GRIK2: variants seen among roughly 807,000 people sequenced by gnomAD.
The protein encoded by GRIK2 is glutamate ionotropic receptor kainate type subunit 2, also known as glutamate receptor ionotropic, kainate 2.
Under a neutral mutation model 100.3 loss-of-function variants are expected in GRIK2, and 32 were observed. The observed-to-expected ratio is 0.32, with a 90% confidence interval of 0.24 to 0.43. The LOEUF is 0.43. Ranked by LOEUF, GRIK2 falls within the 20% of genes least tolerant of loss-of-function variation. The pLI, the probability that GRIK2 is intolerant of heterozygous loss-of-function variation, is 1.00. For missense variants in GRIK2, 843 were observed against 1,114.9 expected, an observed-to-expected ratio of 0.76 and a Z score of 3.47; for synonymous variants, 417 against 389.4, an observed-to-expected ratio of 1.07 and a Z score of -0.83.
At position 101,797,042 on chromosome 6, in the gene GRIK2, A is replaced by G. The variant is rs141543551; in HGVS notation, c.952-2606A>G. On this transcript the variant is annotated intron_variant, in intron 7 of 16. Coordinates refer to ENST00000369134, the MANE Select transcript of GRIK2 (RefSeq NM_021956.5). ...TATTAAATAAGGTTACTACTCTAGG[A>G]TTTTTATGTATGTCCTGTTAGATTA... Among the ~76,000 whole-genome samples, 1,172 of 152,178 alleles carry G rather than the reference A, an allele frequency of 7.7e-3. 7 individuals are homozygous for G. Among genetic ancestry groups the G allele is most frequent in the Non-Finnish European group, 9.8e-3 (665 of 67,994 alleles).
intron 2 of GRIK2, among the ~76,000 whole-genome samples, chr6:101,504,266 A>T (rs1303791426): frequency 6.6e-6 from 1 of 152,134 alleles, no homozygotes; most frequent in African/African-American, 2.4e-5. Flanking sequence ...AGTCTGGCAT[A>T]AATTATTACA....
At chr6:101,859,780 G>T (rs1784634703) in intron 11 of GRIK2, among the ~76,000 whole-genome samples, 1 of 152,142 alleles carries the variant, frequency 6.6e-6, no homozygotes, top group Non-Finnish European at 1.5e-5. Flanking sequence ...AGGTCCTTGA[G>T]AAAGGCTTTC....
intron 2 of GRIK2, among the ~76,000 whole-genome samples, chr6:101,607,158 C>T (rs1344475413): frequency 6.6e-6 from 1 of 151,936 alleles, no homozygotes; most frequent in African/African-American, 2.4e-5. Flanking sequence ...GGGAGAAATC[C>T]ATTCTTGAAA....
At chr6:102,014,419 G>C (rs1795720105) in intron 14 of GRIK2, among the ~76,000 whole-genome samples, 1 of 151,750 alleles carries the variant, frequency 6.6e-6, no homozygotes, top group Admixed American at 6.6e-5. Context: ...CTTTTGAATA[G>C]GTTTTCATAT....
chr6:101,620,236 C>A, intron 2 of GRIK2: 1 of 884,930 alleles, frequency 1.1e-6, no homozygotes, highest in Non-Finnish European at 1.4e-6. Flanking sequence ...TACCACTGTT[C>A]TTCTCCACAT....
rs935662918 is a variant in GRIK2, at chr6:101,513,478, A to G, written c.116-108471A>G. The stretch of plus-strand genomic sequence containing the variant: ...AAGAAAAAGATCTAGCTATGTTAAT[A>G]CAGATTCTTCATAGATGCAAATTTT... On this transcript the variant is annotated intron_variant, in intron 2 of 16. Coordinates refer to ENST00000369134, the MANE Select transcript of GRIK2 (RefSeq NM_021956.5). Among the ~76,000 whole-genome samples the G allele has an allele frequency of 7.2e-5, 11 of 152,304 alleles. No individual in the cohort carries two copies. The East Asian group carries it at 2.1e-3, about 29-fold the overall frequency.
intron 4 of GRIK2, among the ~76,000 whole-genome samples, 177 bp from the exon 5 acceptor site, chr6:101,676,446 C>T (rs1231349253): frequency 5.3e-5 from 8 of 151,996 alleles, no homozygotes; most frequent in Non-Finnish European, 1.0e-4. Flanking sequence ...GAAAATTATG[C>T]GTTCTTGGCC....
intron 7 of GRIK2, among the ~76,000 whole-genome samples, chr6:101,795,514 C>T (rs1441073466): frequency 1.3e-5 from 2 of 152,174 alleles, no homozygotes; most frequent in African/African-American, 4.8e-5. Flanking sequence ...GTTGGGCCTC[C>T]AGGAAGCTTG....
intron 14 of GRIK2, among the ~76,000 whole-genome samples, chr6:102,031,894 GAA>G (rs144824050): frequency 0.034 from 5,071 of 151,370 alleles, 153 homozygotes; most frequent in African/African-American, 0.07. Flanking sequence ...GTTGCACTGG[GAA>G]AAGTTAAACC....
At position 101,677,322 on chromosome 6, in the gene GRIK2, A is replaced by C. The variant is rs550873602; in HGVS notation, c.723+518A>C. Among the ~76,000 whole-genome samples, 24 of 152,266 alleles carry C rather than the reference A, an allele frequency of 1.6e-4. 1 individual carries two copies. The highest frequency in any genetic ancestry group is 1.6e-3 in the Admixed American group (24 of 15,290). On this transcript the variant is annotated intron_variant, in intron 5 of 16. Coordinates refer to ENST00000369134, the MANE Select transcript of GRIK2 (RefSeq NM_021956.5). ...ATGAACAAGTAACTTGACCAATGTC[A>C]AGTAGCAAGAACATAGCAGAGGGAT... is the stretch of plus-strand genomic sequence containing the variant.
chr6:101,693,479 G>A (rs1045606595), intron 7 of GRIK2, among the ~76,000 whole-genome samples: 1 of 151,728 alleles, frequency 6.6e-6, no homozygotes, highest in Non-Finnish European at 1.5e-5. Context: ...TTCATTGTCT[G>A]GGACCTCTGA....
chr6:101,395,802 A>C (rs1276863209), intron 1 of GRIK2, among the ~76,000 whole-genome samples: 1 of 152,062 alleles, frequency 6.6e-6, no homozygotes, highest in African/African-American at 2.4e-5. Flanking sequence ...TATACTTCTA[A>C]ATACAGCTTC....
Position 102,035,358 on chromosome 6 carries a change from G to T in GRIK2, c.2103G>T (p.Thr701=), listed in dbSNP as rs556175755. The T allele has an allele frequency of 3.1e-6, 5 of 1,598,328 alleles. No individual in the cohort carries two copies. The highest frequency in any genetic ancestry group is 3.4e-5 in the Admixed American group (2 of 59,200). ...TTCTTCAGAAATCAAAAATCTCCAC[G>T]TATGACAAAATGTGGGCCTTTATGA... is the stretch of plus-strand genomic sequence containing the variant. ...MTFFKKSKIS[T]YDKMWAFMSS... Residue 701 remains threonine (T), a synonymous_variant, in exon 15 of 17, where the codon ACG becomes ACT. Transcript: ENST00000369134.
chr6:101,615,617 C>G (rs1037096784), intron 2 of GRIK2, among the ~76,000 whole-genome samples: 3 of 151,730 alleles, frequency 2.0e-5, no homozygotes, highest in African/African-American at 7.2e-5. Context: ...TCATGGATCA[C>G]ATGCTTATGA....
intron 2 of GRIK2, among the ~76,000 whole-genome samples, chr6:101,424,397 C>T: frequency 6.6e-6 from 1 of 150,944 alleles, no homozygotes; most frequent in Non-Finnish European, 1.5e-5. Flanking sequence ...TCAATTCCCA[C>T]CTATGAGTGA....
chr6:101,581,184 A>T (rs961751021), intron 2 of GRIK2, among the ~76,000 whole-genome samples: 8 of 150,600 alleles, frequency 5.3e-5, no homozygotes, highest in African/African-American at 2.0e-4. Flanking sequence ...ATATATATAC[A>T]CACACACACA....
rs187996722 is a variant in GRIK2, at chr6:101,587,007, T to C, written c.116-34942T>C. On this transcript the variant is annotated intron_variant, in intron 2 of 16. Transcript: ENST00000369134. Reference sequence around the variant, plus strand: ...AAGAACATGAAATATGGATTTAAACTCAATGGCAGCAAGAATCTTTTTGTC... The same window carrying C: ...AAGAACATGAAATATGGATTTAAACCCAATGGCAGCAAGAATCTTTTTGTC... Among the ~76,000 whole-genome samples the C allele has an allele frequency of 9.7e-3, 1,473 of 151,480 alleles. 49 individuals carry two copies. The highest frequency in any genetic ancestry group is 0.062 in the Admixed American group (947 of 15,186).
chr6:101,649,595 C>T (rs1300619812), intron 4 of GRIK2, among the ~76,000 whole-genome samples: 2 of 152,232 alleles, frequency 1.3e-5, no homozygotes, highest in African/African-American at 4.8e-5. Context: ...ATTTAATTTC[C>T]TACCTGTATT....
Position 101,659,568 on chromosome 6 carries a change from A to G in GRIK2, c.542-17055A>G, listed in dbSNP as rs539736245. On this transcript the variant is annotated intron_variant, in intron 4 of 16. Coordinates refer to ENST00000369134, the MANE Select transcript of GRIK2 (RefSeq NM_021956.5). ...TTGATGCACTTTCTTCATAGTGTCG[A>G]TGGTCTTTACAATTTGTTATGTTCT... Among the ~76,000 whole-genome samples the G allele has an allele frequency of 2.6e-5, 4 of 152,150 alleles. No individual in the cohort carries two copies. In the South Asian group the frequency reaches 8.3e-4, roughly 32 times the overall value.
Sources: gnomAD v4.1 joint callset for allele counts (sites outside exome capture counted in the v4.1 genomes callset) on GRCh38, gnomAD v4.1.1 for gene constraint, MANE v1.5 for transcripts, NCBI Gene and HGNC (gene_info 2026-07-23, HGNC 2026-07-21) for gene names.